MYO3B: variants seen among roughly 807,000 people sequenced by gnomAD.
The protein encoded by MYO3B is myosin-IIIb.
A neutral mutation model predicts 174.6 loss-of-function variants in MYO3B; 156 were observed. The ratio of observed to expected loss-of-function variants is 0.89; its 90% CI spans 0.78 to 1.02. The LOEUF is 1.02. Among genes scored for constraint, MYO3B ranks in the 50% least tolerant of loss-of-function variants. MYO3B has a pLI of 0.00. For missense variants in MYO3B, 1,632 were observed against 1,639.4 expected, an observed-to-expected ratio of 1.00 and a Z score of 0.08; for synonymous variants, 563 against 569.1, an observed-to-expected ratio of 0.99 and a Z score of 0.15.
chr2:170,368,189 T>A (rs542161337), intron 8 of MYO3B, among the ~76,000 whole-genome samples: 2 of 152,350 alleles, frequency 1.3e-5, no homozygotes, highest in South Asian at 4.1e-4. Context: ...GTGAATTTCA[T>A]TAAAAATACG....
chr2:170,574,831 C>T (rs1347414269), intron 32 of MYO3B, among the ~76,000 whole-genome samples: 1 of 152,170 alleles, frequency 6.6e-6, no homozygotes, highest in East Asian at 1.9e-4. Context: ...ACCCCTGTTT[C>T]ACTGAAGAGG....
At chr2:170,347,259 T>G (rs2094023481) in intron 8 of MYO3B, among the ~76,000 whole-genome samples, 1 of 152,180 alleles carries the variant, frequency 6.6e-6, no homozygotes, top group Admixed American at 6.5e-5. Context: ...TCCTCACTGC[T>G]GCCATATGAA....
intron 22 of MYO3B, among the ~76,000 whole-genome samples, chr2:170,429,222 A>C (rs1186277170): frequency 1.3e-5 from 2 of 152,188 alleles, no homozygotes; most frequent in Non-Finnish European, 2.9e-5. Flanking sequence ...TTAGGATTCT[A>C]TTCTTAGACT....
At chr2:170,331,941 CAT>C (rs1574800990) in intron 7 of MYO3B, 1 of 152,188 alleles carries the variant, frequency 6.6e-6, no homozygotes, top group Non-Finnish European at 1.5e-5. Flanking sequence ...TTAAAAGACT[CAT>C]GTGATTAAGT....
intron 32 of MYO3B, among the ~76,000 whole-genome samples, chr2:170,625,937 G>A (rs557335007): frequency 6.6e-6 from 1 of 152,300 alleles, no homozygotes; most frequent in African/African-American, 2.4e-5. Flanking sequence ...TATAATTTCT[G>A]TTCTTTTACC....
intron 30 of MYO3B, among the ~76,000 whole-genome samples, chr2:170,537,600 C>G (rs1222853207): frequency 6.6e-6 from 1 of 151,474 alleles, no homozygotes; most frequent in Non-Finnish European, 1.5e-5. Context: ...GGGCATGCCA[C>G]CCTGTCTGGC....
At chr2:170,412,559 G>A (rs1347130276) in intron 22 of MYO3B, 3 of 152,048 alleles carry the variant, frequency 2.0e-5, no homozygotes, top group Non-Finnish European at 2.9e-5. Context: ...TTTTGGATGG[G>A]GGAGACAAGA....
chr2:170,313,798 AG>A (rs1344653723), intron 7 of MYO3B, among the ~76,000 whole-genome samples: 1 of 152,154 alleles, frequency 6.6e-6, no homozygotes, highest in African/African-American at 2.4e-5. Flanking sequence ...AGTCTTCAAA[AG>A]CCAGCCGGAA....
At chr2:170,344,646 G>A (rs1331159625) in intron 8 of MYO3B, 1 of 152,178 alleles carries the variant, frequency 6.6e-6, no homozygotes, top group African/African-American at 2.4e-5. Context: ...AGGGGAGAGT[G>A]TCTGGACAGG....
chr2:170,596,453 C>T (rs1007773846), intron 32 of MYO3B, among the ~76,000 whole-genome samples: 5 of 152,218 alleles, frequency 3.3e-5, no homozygotes, highest in Non-Finnish European at 5.9e-5. Flanking sequence ...CTGAGTTTAT[C>T]TGGGCCTCAG....
chr2:170,509,296 G>T (rs1397370101), intron 28 of MYO3B, among the ~76,000 whole-genome samples: 1 of 152,182 alleles, frequency 6.6e-6, no homozygotes, highest in African/African-American at 2.4e-5. Context: ...GGCATAGGTT[G>T]CAGTGAGCCA....
In MYO3B at chr2:170,312,157, T is replaced by G. The variant is rs115148215; in HGVS notation, c.750-23228T>G. Among the ~76,000 whole-genome samples the G allele has an allele frequency of 1.9e-3, 294 of 152,372 alleles. 1 individual carries two copies. Among genetic ancestry groups the G allele is most frequent in the African/African-American group, 7.0e-3 (290 of 41,596 alleles). ...ACTCACAGAACCAAGTGTCCTAAGA[T>G]GCACGTTTCTTCAAGGTTTCATCTT... On this transcript the variant is annotated intron_variant, in intron 7 of 34. Transcript: ENST00000408978.
At chr2:170,554,686 T>TA (rs1691163642) in intron 32 of MYO3B, among the ~76,000 whole-genome samples, 1 of 152,238 alleles carries the variant, frequency 6.6e-6, no homozygotes, top group African/African-American at 2.4e-5. Context: ...TGCTAAACTT[T>TA]TCCGGTGCTT....
rs144640270 is a variant in MYO3B, at chr2:170,257,645, C to T, written c.749+21509C>T. ...CTATGTCAAGAAGTTAGAAAAATCT[C>T]GAATTAACAATCTAACATCACACCT... On this transcript the variant is annotated intron_variant, in intron 7 of 34. Coordinates refer to ENST00000408978, the MANE Select transcript of MYO3B (RefSeq NM_138995.5). Among the ~76,000 whole-genome samples, 66 of 152,056 alleles carry T rather than the reference C, an allele frequency of 4.3e-4. No homozygotes were observed. The East Asian group carries it at 0.011, about 26-fold the overall frequency.
intron 1 of MYO3B, among the ~76,000 whole-genome samples, chr2:170,182,851 T>G (rs1310177452): frequency 1.3e-5 from 2 of 152,050 alleles, no homozygotes; most frequent in Admixed American, 6.6e-5. Flanking sequence ...TCAAGTGATC[T>G]GTCTGCCTTG....
At chr2:170,508,431 C>T (rs1027080212) in intron 28 of MYO3B, among the ~76,000 whole-genome samples, 20 of 152,180 alleles carry the variant, frequency 1.3e-4, no homozygotes, top group African/African-American at 4.1e-4. Flanking sequence ...AGTAAAGAAA[C>T]GTTTAGGGGA....
intron 32 of MYO3B, among the ~76,000 whole-genome samples, chr2:170,637,416 A>AC (rs1173109028): frequency 2.0e-5 from 3 of 151,246 alleles, no homozygotes; most frequent in East Asian, 1.9e-4. Context: ...CAAGTGATCC[A>AC]CCCCCCTCAG....
intron 7 of MYO3B, among the ~76,000 whole-genome samples, chr2:170,320,490 G>T (rs2093817563): frequency 1.3e-5 from 2 of 152,142 alleles, no homozygotes; most frequent in African/African-American, 4.8e-5. Context: ...GTGAGAAATA[G>T]ATTTAAAAAT....
intron 7 of MYO3B, among the ~76,000 whole-genome samples, chr2:170,302,783 G>C (rs2093674307): frequency 6.6e-6 from 1 of 152,180 alleles, no homozygotes; most frequent in Non-Finnish European, 1.5e-5. Flanking sequence ...AATTCCTCAG[G>C]TGTTAAGCAT....
Sources: gnomAD v4.1 joint callset for allele counts (sites outside exome capture counted in the v4.1 genomes callset) on GRCh38, gnomAD v4.1.1 for gene constraint, MANE v1.5 for transcripts, NCBI Gene and HGNC (gene_info 2026-07-23, HGNC 2026-07-21) for gene names.